Variants in ZNF207 observed in about 807,000 individuals in gnomAD.
ZNF207 encodes the protein BUB3-interacting and GLEBS motif-containing protein ZNF207.
In ZNF207, 24 loss-of-function variants were observed where a neutral mutation model predicts 60.2. The ratio of observed to expected loss-of-function variants is 0.40; its 90% confidence interval spans 0.29 to 0.56. The LOEUF is 0.56. Among genes scored for constraint, ZNF207 ranks in the 20% least tolerant of loss-of-function variants. The pLI is 0.49. For missense variants in ZNF207, 452 were observed against 636.6 expected, an observed-to-expected ratio of 0.71 and a Z score of 3.12; for synonymous variants, 236 against 194.7, an observed-to-expected ratio of 1.21 and a Z score of -1.77.
intron 2 of ZNF207, among the ~76,000 whole-genome samples, chr17:32,356,821 C>T (rs943472969): frequency 3.9e-5 from 6 of 152,054 alleles, no homozygotes; most frequent in African/African-American, 1.2e-4. Flanking sequence ...AGATTAGAAG[C>T]GCTTATGTAG....
rs1033399329 is a variant in ZNF207, at chr17:32,374,885, T to C, written c.*5126T>C. On this transcript the variant is annotated 3_prime_UTR_variant, in exon 12 of 12. Coordinates refer to ENST00000394670, the MANE Select transcript of ZNF207 (RefSeq NM_001098507.2). ...CACTGAACAGTGTTTTACGCACATG[T>C]GAAAAGTATCCACATTTGTTTCCAA... 3.3e-5 allele frequency: 5 copies of C among 152,242 alleles called. No individual in the cohort carries two copies. The highest frequency in any genetic ancestry group is 7.3e-5 in the Non-Finnish European group (5 of 68,038). 9.4% of individuals were successfully genotyped at this position (152,242 alleles called of 1,614,324 possible). A position where few individuals can be genotyped will look rare whatever the true frequency, so the allele number is the denominator to read the frequency against.
chr17:32,362,698 T>C (rs1904953460), intron 6 of ZNF207: 1 of 419,122 alleles, frequency 2.4e-6, no homozygotes, highest in African/African-American at 2.0e-5. Flanking sequence ...CATTTTTTTT[T>C]TATTGGTAAA....
chr17:32,367,179 C>A (rs1905201206), intron 9 of ZNF207, among the ~76,000 whole-genome samples: 1 of 140,874 alleles, frequency 7.1e-6, no homozygotes, highest in Non-Finnish European at 1.5e-5. Context: ...TTTAAAAGAT[C>A]CTGCTAAATT....
chr17:32,352,023 A>G (rs2041516835), intron 2 of ZNF207, 111 bp downstream of exon 2: 36 of 1,109,196 alleles, frequency 3.2e-5, no homozygotes, highest in Non-Finnish European at 4.4e-5. Flanking sequence ...GCTGGAGTGC[A>G]GTGGTGCAAT....
At chr17:32,355,296 G>A (rs1405019809) in intron 2 of ZNF207, among the ~76,000 whole-genome samples, 1 of 152,224 alleles carries the variant, frequency 6.6e-6, no homozygotes, top group African/African-American at 2.4e-5. Context: ...GGCTGAGGCA[G>A]GAGGATCGCT....
rs1567824924 is a variant in ZNF207, at chr17:32,367,263, AT to A, written c.921+507del. Reference sequence around the variant, plus strand: ...ATTATATATATATATATATATATATATATATATATATATATATATATAAAGA... The same window carrying A: ...ATTATATATATATATATATATATATAATATATATATATATATATATAAAGA... On this transcript the variant is annotated intron_variant, in intron 9 of 11. Transcript: ENST00000394670. Among the ~76,000 whole-genome samples, 113 of 114,806 alleles carry A rather than the reference AT, an allele frequency of 9.8e-4. 2 individuals are homozygous for A. Among genetic ancestry groups the A allele is most frequent in the African/African-American group, 4.0e-3 (109 of 27,144 alleles). 75.3% of individuals were successfully genotyped at this position (114,806 alleles called of 152,430 possible). A position where few individuals can be genotyped will look rare whatever the true frequency, so the allele number is the denominator to read the frequency against.
intron 1 of ZNF207, chr17:32,350,948 C>T (rs567285613): frequency 6.6e-6 from 1 of 151,234 alleles, no homozygotes; most frequent in Admixed American, 6.6e-5. Flanking sequence ...GTTTCTGTTA[C>T]CCAACTTTGT....
At position 32,366,645 on chromosome 17, in the gene ZNF207, T is replaced by G; in HGVS notation, c.829-20T>G. On this transcript the variant is annotated intron_variant, in intron 8 of 11. Transcript: ENST00000394670. ...ATTTGTTTGGAGACTTTTCATTGTT[T>G]CCTTTCTTTTATGCTACAGATGGGG... 1 of 1,581,754 alleles carries G rather than the reference T, an allele frequency of 6.3e-7. No homozygotes were observed. Among genetic ancestry groups the G allele is most frequent in the Non-Finnish European group, 8.6e-7 (1 of 1,168,850 alleles).
At chr17:32,367,046 T>C (rs1181376307) in intron 9 of ZNF207, among the ~76,000 whole-genome samples, 4 of 151,732 alleles carry the variant, frequency 2.6e-5, no homozygotes, top group East Asian at 1.9e-4. Flanking sequence ...TAATGCTGTT[T>C]AATGCATCAC....
intron 1 of ZNF207, among the ~76,000 whole-genome samples, chr17:32,350,579 C>T (rs1240083202): frequency 2.0e-5 from 3 of 152,040 alleles, no homozygotes; most frequent in Non-Finnish European, 4.4e-5. Flanking sequence ...TTTTGGACTC[C>T]GGGAGGCGGC....
In ZNF207 at chr17:32,350,168, T is replaced by A. The variant is rs1276118639; in HGVS notation, c.-118T>A. On this transcript the variant is annotated 5_prime_UTR_variant, in exon 1 of 12. Transcript: ENST00000394670. ...CGGGGAACGAGGCCGTCGGCCATTT[T>A]GTGTCTGCTTCCTGTGGGACGTGGT... The A allele has an allele frequency of 6.6e-7, 1 of 1,521,166 alleles. No homozygotes were observed. Among genetic ancestry groups the A allele is most frequent in the Non-Finnish European group, 9.1e-7 (1 of 1,100,662 alleles). 94.2% of individuals were successfully genotyped at this position (1,521,166 alleles called of 1,614,324 possible).
chr17:32,351,758 G>A (rs758295433), intron 1 of ZNF207, 28 bp from the exon 2 acceptor site: 2 of 1,608,446 alleles, frequency 1.2e-6, no homozygotes, highest in South Asian at 2.2e-5. Flanking sequence ...TCATTAGGCT[G>A]TCTTTGTGCC....
rs1339552979 is a variant in ZNF207, at chr17:32,381,783, T to C, written c.*12024T>C. On this transcript the variant is annotated 3_prime_UTR_variant, in exon 12 of 12. Coordinates refer to ENST00000394670, the MANE Select transcript of ZNF207 (RefSeq NM_001098507.2). ...TGGAAAGATTTTTGCTTCTGCGTTA[T>C]TAAGAGCCTCTTTGTTTGGAGGAGA... 2.0e-5 allele frequency: 3 copies of C among 152,230 alleles called. No homozygotes were observed. Among genetic ancestry groups the C allele is most frequent in the African/African-American group, 7.2e-5 (3 of 41,452 alleles). 9.4% of individuals were successfully genotyped at this position (152,230 alleles called of 1,614,324 possible).
At chr17:32,353,921 A>C (rs1361256488) in intron 2 of ZNF207, among the ~76,000 whole-genome samples, 1 of 152,158 alleles carries the variant, frequency 6.6e-6, no homozygotes, top group African/African-American at 2.4e-5. Context: ...AAATGATATA[A>C]ATATCTAAAT....
intron 9 of ZNF207, among the ~76,000 whole-genome samples, chr17:32,367,283 A>G (rs1277570468): frequency 1.6e-5 from 2 of 122,760 alleles, no homozygotes; most frequent in South Asian, 2.5e-4. Context: ...ATATATATAT[A>G]TAAAGAATAC....
At chr17:32,362,102 GGTA>G (rs995301547) in intron 6 of ZNF207, among the ~76,000 whole-genome samples, 4 of 151,058 alleles carry the variant, frequency 2.6e-5, no homozygotes, top group South Asian at 4.2e-4. Flanking sequence ...TAATTTTGGT[GGTA>G]GTATTTCCTT....
chr17:32,369,307 GCA>G lies in ZNF207; in HGVS notation c.1180_1181del (p.Gln394ValfsTer3), dbSNP rs767358950. The G allele has an allele frequency of 6.2e-7, 1 of 1,613,930 alleles. No homozygotes were observed. The part of the protein sequence containing the change: ...DEDISLEERR[A>X]QLPKYQRNLP... The stretch of plus-strand genomic sequence containing the variant: ...TTTTTATTCCCAGGAAGAGAGAAGG[GCA>G]CAGTTACCTAAGTATCAACGTAATC... On this transcript the variant is annotated frameshift_variant, in exon 11 of 12. Transcript: ENST00000394670. LOFTEE classifies it high-confidence loss of function.
intron 6 of ZNF207, among the ~76,000 whole-genome samples, 191 bp downstream of exon 6, chr17:32,361,706 C>T (rs1216570933): frequency 6.6e-6 from 1 of 151,986 alleles, no homozygotes; most frequent in African/African-American, 2.4e-5. Context: ...GGTAATAGAC[C>T]CATATAAACA....
rs181130532 is a variant in ZNF207 at position 32,363,061 on chromosome 17, A to C, written c.670+77A>C. The C allele has an allele frequency of 1.7e-4, 234 of 1,338,000 alleles. 2 individuals are homozygous for C. The East Asian group carries it at 4.9e-3, about 28-fold the overall frequency. The allele number at this position is 1,338,000 out of a possible 1,614,324, so 82.9% of individuals were successfully genotyped here. Reference sequence around the variant, plus strand: ...GTTTTTTTAGACGTCTGTGGGCATTAGTATAATGAAATTTAAAAATTTTTG... The same window carrying C: ...GTTTTTTTAGACGTCTGTGGGCATTCGTATAATGAAATTTAAAAATTTTTG... On this transcript the variant is annotated intron_variant, in intron 7 of 11. Transcript: ENST00000394670.
Sources: allele counts gnomAD v4.1 joint callset (sites outside exome capture counted in the v4.1 genomes callset), GRCh38; gene constraint gnomAD v4.1.1; transcripts MANE v1.5; gene names NCBI Gene and HGNC (gene_info 2026-07-23, HGNC 2026-07-21).